The following STRBP variants were observed in gnomAD, a reference collection of about 807,000 sequenced individuals.
The protein encoded by STRBP is spermatid perinuclear RNA-binding protein.
A neutral mutation model predicts 80.1 loss-of-function variants in STRBP; 13 were observed. That is an observed-to-expected ratio of 0.16 (90% confidence interval 0.11 to 0.26). The LOEUF (loss-of-function observed/expected upper bound fraction) is 0.26, where lower values mean the gene tolerates loss of function less well. Ranked by LOEUF, STRBP falls within the 10% of genes least tolerant of loss-of-function variation. The pLI is 1.00. For synonymous variants in STRBP, 284 were observed against 291.2 expected (o/e 0.98, Z 0.25); for missense variants, 485 against 815.2 (o/e 0.59, Z 4.93).
chr9:123,131,178 T>C (rs954375679), intron 17 of STRBP, among the ~76,000 whole-genome samples: 3 of 152,224 alleles, frequency 2.0e-5, no homozygotes, highest in African/African-American at 7.2e-5. Context: ...TTCTAACTGA[T>C]CTTGTCAATG....
intron 4 of STRBP, among the ~76,000 whole-genome samples, chr9:123,175,981 C>G (rs775944274): frequency 6.6e-6 from 1 of 152,216 alleles, no homozygotes; most frequent in Non-Finnish European, 1.5e-5. Flanking sequence ...GGCTCTGCTA[C>G]TTACTGTGTG....
intron 3 of STRBP, 150 bp from the exon 4 acceptor site, chr9:123,179,377 G>T (rs2132451287): frequency 1.6e-6 from 1 of 638,204 alleles, no homozygotes; most frequent in Non-Finnish European, 2.6e-6. Flanking sequence ...GCTCCAGCGT[G>T]GGAAGTAAAA....
intron 2 of STRBP, among the ~76,000 whole-genome samples, chr9:123,217,720 TTTAAAC>T (rs1187460552): frequency 1.3e-5 from 2 of 152,234 alleles, no homozygotes; most frequent in South Asian, 2.1e-4. Flanking sequence ...GCTGAACTAT[TTTAAAC>T]TTAAACATAT....
chr9:123,204,865 A>G (rs1376943210), intron 2 of STRBP, among the ~76,000 whole-genome samples: 1 of 145,488 alleles, frequency 6.9e-6, no homozygotes, highest in Non-Finnish European at 1.5e-5. Flanking sequence ...CAGAGGTTGC[A>G]GTGAGCCGAG....
intron 2 of STRBP, among the ~76,000 whole-genome samples, chr9:123,186,070 G>C (rs1218049256): frequency 6.7e-6 from 1 of 150,362 alleles, no homozygotes; most frequent in Non-Finnish European, 1.5e-5. Context: ...AGCCAGGCAT[G>C]GTGGCTCGCG....
intron 2 of STRBP, chr9:123,213,635 AC>A (rs1305563078): frequency 6.6e-6 from 1 of 152,206 alleles, no homozygotes; most frequent in African/African-American, 2.4e-5. Flanking sequence ...CTAGAATCAG[AC>A]CACCTGCGGC....
intron 2 of STRBP, among the ~76,000 whole-genome samples, chr9:123,232,735 G>A (rs371521114): frequency 7.9e-5 from 12 of 152,160 alleles, no homozygotes; most frequent in African/African-American, 2.4e-4. Flanking sequence ...GAAAAAGAAC[G>A]AAATGGGCAG....
chr9:123,186,583 T>G (rs1321433910), intron 2 of STRBP, among the ~76,000 whole-genome samples: 1 of 152,170 alleles, frequency 6.6e-6, no homozygotes, highest in African/African-American at 2.4e-5. Context: ...ATTCACTGTA[T>G]GTTCTATTGG....
chr9:123,117,607 G>T (rs1227403394), downstream of STRBP, among the ~76,000 whole-genome samples: 1 of 152,168 alleles, frequency 6.6e-6, no homozygotes, highest in Non-Finnish European at 1.5e-5. Flanking sequence ...ACTGACCTCT[G>T]CAATCTGCCA....
chr9:123,128,759 C>A (rs1473593940), intron 17 of STRBP, among the ~76,000 whole-genome samples: 1 of 152,196 alleles, frequency 6.6e-6, no homozygotes, highest in Non-Finnish European at 1.5e-5. Context: ...AGTGAGAGAG[C>A]AGGCTGAGGT....
chr9:123,122,545 T>C lies in STRBP; in HGVS notation c.*3052A>G. ...GACTACAAACGACTTCAGAACTATA[T>C]AAACTCAACTCCTTACTTCACCACC... On this transcript the variant is annotated 3_prime_UTR_variant, in exon 19 of 19. Transcript: ENST00000348403. The C allele has an allele frequency of 8.7e-7, 1 of 1,148,842 alleles. No individual in the cohort carries two copies. The highest frequency in any genetic ancestry group is 1.1e-6 in the Non-Finnish European group (1 of 924,872). The allele number at this position is 1,148,842 out of a possible 1,614,324, so 71.2% of individuals were successfully genotyped here. A position where few individuals can be genotyped will look rare whatever the true frequency, so the allele number is the denominator to read the frequency against.
At chr9:123,240,223 T>C (rs781618160) in intron 1 of STRBP, among the ~76,000 whole-genome samples, 12 of 152,226 alleles carry the variant, frequency 7.9e-5, no homozygotes, top group Non-Finnish European at 1.6e-4. Context: ...TCTCCTTCAA[T>C]TTAGCATTAT....
rs981656964 is a variant in STRBP at position 123,123,290 on chromosome 9, T to G, written c.*2307A>C. 5.1e-6 allele frequency: 5 copies of G among 985,314 alleles called. No individual in the cohort carries two copies. In the African/African-American group the frequency reaches 8.7e-5, roughly 17 times the overall value. 61.0% of individuals were successfully genotyped at this position (985,314 alleles called of 1,614,324 possible). ...ATTTGGTGAAGCCAAGAGCTTCATT[T>G]ATATTTCTCTGCTCTTTCAGCTGTA... On this transcript the variant is annotated 3_prime_UTR_variant, in exon 19 of 19. Transcript: ENST00000348403.
intron 1 of STRBP, among the ~76,000 whole-genome samples, chr9:123,256,682 C>G (rs1272160361): frequency 6.6e-6 from 1 of 152,152 alleles, no homozygotes; most frequent in Non-Finnish European, 1.5e-5. Context: ...ACTCAGGGCA[C>G]AAGGTGGGCA....
chr9:123,184,280 C>G lies in STRBP; in HGVS notation c.-146G>C. 1.5e-6 allele frequency: 1 copy of G among 665,604 alleles called. No individual in the cohort carries two copies. Among genetic ancestry groups the G allele is most frequent in the Non-Finnish European group, 2.4e-6 (1 of 409,860 alleles). The allele number at this position is 665,604 out of a possible 1,614,324, so 41.2% of individuals were successfully genotyped here. ...CGTCAATATAGCAAATGTCTGAAGG[C>G]TTGTTCTCTGGAACACACCTGCAAG... On this transcript the variant is annotated 5_prime_UTR_variant, in exon 3 of 19. Transcript: ENST00000348403.
intron 1 of STRBP, among the ~76,000 whole-genome samples, chr9:123,260,961 T>A (rs1564342517): frequency 6.6e-6 from 1 of 152,330 alleles, no homozygotes; most frequent in East Asian, 1.9e-4. Context: ...GCTTTATAGC[T>A]TCCAAACAAT....
intron 2 of STRBP, among the ~76,000 whole-genome samples, chr9:123,195,119 A>C (rs1415717757): frequency 6.6e-6 from 1 of 152,132 alleles, no homozygotes; most frequent in African/African-American, 2.4e-5. Context: ...TGCATCAAAA[A>C]CAAAAAACAA....
chr9:123,186,440 A>C (rs1443547742), intron 2 of STRBP, among the ~76,000 whole-genome samples: 1 of 152,168 alleles, frequency 6.6e-6, no homozygotes, highest in South Asian at 2.1e-4. Flanking sequence ...CACCAATATG[A>C]AAAGTACAGC....
At chr9:123,214,739 T>C (rs1388117509) in intron 2 of STRBP, among the ~76,000 whole-genome samples, 2 of 152,190 alleles carry the variant, frequency 1.3e-5, no homozygotes, top group African/African-American at 4.8e-5. Context: ...CTCAGACAAC[T>C]GTACCTACCT....
Sources: allele counts gnomAD v4.1 joint callset (sites outside exome capture counted in the v4.1 genomes callset), GRCh38; gene constraint gnomAD v4.1.1; transcripts MANE v1.5; gene names NCBI Gene and HGNC (gene_info 2026-07-23, HGNC 2026-07-21).